Variants in NOVA1 observed in about 807,000 individuals in gnomAD.
NOVA1 encodes the protein RNA-binding protein Nova-1.
A neutral mutation model predicts 38.0 loss-of-function variants in NOVA1; 7 were observed. The ratio of observed to expected loss-of-function variants is 0.18; its 90% CI spans 0.10 to 0.35. NOVA1 has a LOEUF of 0.35. Ranked by LOEUF, NOVA1 falls within the 10% of genes least tolerant of loss-of-function variation. NOVA1 has a pLI of 1.00. For missense variants in NOVA1, 460 were observed against 616.0 expected, an observed-to-expected ratio of 0.75 and a Z score of 2.68; for synonymous variants, 270 against 232.5, an observed-to-expected ratio of 1.16 and a Z score of -1.47.
chr14:26,591,400 A>T (rs1893834124), intron 2 of NOVA1, among the ~76,000 whole-genome samples: 1 of 151,596 alleles, frequency 6.6e-6, no homozygotes, highest in African/African-American at 2.4e-5. Context: ...TATTAAACCC[A>T]CCCAACAATG....
intron 2 of NOVA1, among the ~76,000 whole-genome samples, chr14:26,567,964 G>T (rs1164203800): frequency 1.3e-5 from 2 of 152,096 alleles, no homozygotes; most frequent in Non-Finnish European, 1.5e-5. Flanking sequence ...GATATTTACT[G>T]TGTGATACCT....
intron 2 of NOVA1, among the ~76,000 whole-genome samples, chr14:26,488,500 A>T (rs1886090666): frequency 6.6e-6 from 1 of 152,136 alleles, no homozygotes; most frequent in Non-Finnish European, 1.5e-5. Context: ...TATATCTGAA[A>T]ATTTTATATA....
In NOVA1 at chr14:26,580,789, T is replaced by G. The variant is rs141776406; in HGVS notation, c.280+14621A>C. On this transcript the variant is annotated intron_variant, in intron 2 of 4. Transcript: ENST00000539517. ...GATAGGTCAGAGCTTTGGCATTCTA[T>G]CACCTGCATTTTTACAACAATTATG... Among the ~76,000 whole-genome samples, 270 of 152,122 alleles carry G rather than the reference T, an allele frequency of 1.8e-3. 1 individual carries two copies. Among genetic ancestry groups the G allele is most frequent in the African/African-American group, 6.2e-3 (258 of 41,550 alleles).
chr14:26,590,779 G>A (rs74040219), intron 2 of NOVA1, among the ~76,000 whole-genome samples: 5,244 of 151,836 alleles, frequency 0.035, 290 homozygotes, highest in African/African-American at 0.12. Flanking sequence ...GCAAGGCAAT[G>A]TTGTAGATAT....
intron 2 of NOVA1, among the ~76,000 whole-genome samples, chr14:26,518,390 A>C (rs1409174049): frequency 1.3e-5 from 2 of 152,028 alleles, no homozygotes; most frequent in Non-Finnish European, 2.9e-5. Context: ...AAATTAGACC[A>C]AAGATATTAG....
intron 2 of NOVA1, among the ~76,000 whole-genome samples, chr14:26,562,873 C>G (rs189752531): frequency 1.3e-5 from 2 of 152,176 alleles, no homozygotes; most frequent in African/African-American, 4.8e-5. Context: ...CTACAACTAC[C>G]AGGCAAAACA....
chr14:26,493,586 C>A (rs1886525066), intron 2 of NOVA1, among the ~76,000 whole-genome samples: 1 of 152,142 alleles, frequency 6.6e-6, no homozygotes, highest in Non-Finnish European at 1.5e-5. Flanking sequence ...CAGTGTCAAA[C>A]CCAGTCTTCC....
chr14:26,448,910 A>G lies in NOVA1; in HGVS notation c.573T>C (p.Gly191=). Residue 191 remains glycine (G), a synonymous_variant, in exon 5 of 5, where the codon GGT becomes GGC. Transcript: ENST00000539517. This position sits in a 1 kb window ranked among gnomAD's most constrained non-coding sequence, Gnocchi z 5.3. ...GCTCCATTACAGCCTTCACAGTAGC[A>G]CCTCCCTTCCCTATTATCAGACCTG... ...STAGLIIGKG[G]ATVKAVMEQS... is the part of the protein sequence containing the mutation. 6.2e-7 allele frequency: 1 copy of G among 1,613,896 alleles called. No homozygotes were observed. The highest frequency in any genetic ancestry group is 8.5e-7 in the Non-Finnish European group (1 of 1,179,992).
chr14:26,520,976 T>C (rs115955032), intron 2 of NOVA1, among the ~76,000 whole-genome samples: 12 of 152,254 alleles, frequency 7.9e-5, no homozygotes, highest in African/African-American at 2.4e-4. Flanking sequence ...TTTGACAATG[T>C]TGATGTTAGA....
At chr14:26,574,877 G>C (rs1408252410) in intron 2 of NOVA1, among the ~76,000 whole-genome samples, 2 of 151,968 alleles carry the variant, frequency 1.3e-5, no homozygotes, top group African/African-American at 4.8e-5. Flanking sequence ...GCCCAGGCTG[G>C]TCTGAAACTC....
chr14:26,487,029 T>C (rs1016372385), intron 2 of NOVA1, among the ~76,000 whole-genome samples: 2 of 152,142 alleles, frequency 1.3e-5, no homozygotes, highest in African/African-American at 4.8e-5. Flanking sequence ...TCTTTATAAA[T>C]AGATGATTTA....
intron 2 of NOVA1, among the ~76,000 whole-genome samples, chr14:26,566,608 C>A (rs1892148171): frequency 6.6e-6 from 1 of 152,054 alleles, no homozygotes; most frequent in Non-Finnish European, 1.5e-5. Context: ...GCCTACCTCT[C>A]AACTAATAAG....
intron 2 of NOVA1, among the ~76,000 whole-genome samples, chr14:26,496,961 T>A (rs1271848836): frequency 1.3e-5 from 2 of 152,202 alleles, no homozygotes; most frequent in African/African-American, 4.8e-5. Context: ...GGCTTAGGAT[T>A]GACTTGGCGA....
intron 4 of NOVA1, among the ~76,000 whole-genome samples, chr14:26,454,123 A>G (rs968926183): frequency 2.0e-5 from 3 of 152,314 alleles, no homozygotes; most frequent in Non-Finnish European, 4.4e-5. Context: ...CAAGCTACAC[A>G]TAAAATACAC....
chr14:26,511,583 C>T (rs1457171178), intron 2 of NOVA1, among the ~76,000 whole-genome samples: 1 of 151,978 alleles, frequency 6.6e-6, no homozygotes, highest in Admixed American at 6.6e-5. Flanking sequence ...GAAACCCTGT[C>T]TCTACTAAAA....
At chr14:26,494,420 T>C (rs1886600924) in intron 2 of NOVA1, among the ~76,000 whole-genome samples, 2 of 152,190 alleles carry the variant, frequency 1.3e-5, no homozygotes, top group South Asian at 4.1e-4. Flanking sequence ...TCCTCTTTTC[T>C]TCAAAGTGTT....
chr14:26,454,257 G>A (rs1882971647), intron 4 of NOVA1, among the ~76,000 whole-genome samples: 1 of 152,140 alleles, frequency 6.6e-6, no homozygotes, highest in Non-Finnish European at 1.5e-5. Flanking sequence ...GCACAAGCTT[G>A]CTTTAGAAGT....
intron 2 of NOVA1, among the ~76,000 whole-genome samples, chr14:26,551,711 C>CA (rs199842967): frequency 9.2e-5 from 14 of 151,828 alleles, no homozygotes; most frequent in Middle Eastern, 3.4e-3. Context: ...AGTATACAAA[C>CA]AAAAAATCTA....
At chr14:26,479,666 A>T in intron 3 of NOVA1, 1 of 344,616 alleles carries the variant, frequency 2.9e-6, no homozygotes, top group Non-Finnish European at 5.2e-6. Context: ...TTAAAAAGTG[A>T]TATAATTTTA....
Sources: allele counts gnomAD v4.1 joint callset (sites outside exome capture counted in the v4.1 genomes callset), GRCh38; gene constraint gnomAD v4.1.1; non-coding constraint Gnocchi (gnomAD v3.1); transcripts MANE v1.5; gene names NCBI Gene and HGNC (gene_info 2026-07-23, HGNC 2026-07-21).